Variants in UNC5C observed in about 807,000 individuals in gnomAD.
The protein encoded by UNC5C is unc-5 netrin receptor C.
UNC5C carries 47 observed loss-of-function variants against 99.8 expected under a neutral mutation model. The observed-to-expected ratio is 0.47, with a 90% confidence interval of 0.37 to 0.60. The LOEUF is 0.60. Ranked by LOEUF, UNC5C falls within the 20% of genes least tolerant of loss-of-function variation. The probability of loss-of-function intolerance (pLI) is 0.00; values close to 1 mark genes in which losing one functional copy is unlikely to be tolerated. For synonymous variants in UNC5C, 487 were observed against 452.2 expected (o/e 1.08, Z -0.98); for missense variants, 1,062 against 1,165.9 (o/e 0.91, Z 1.30).
At chr4:95,198,860 G>GTTC (rs1463097185) in intron 12 of UNC5C, among the ~76,000 whole-genome samples, 16 of 152,200 alleles carry the variant, frequency 1.1e-4, no homozygotes, top group African/African-American at 3.9e-4. Flanking sequence ...AGGAAAGTTT[G>GTTC]TTCTTAGTAG....
At chr4:95,287,046 A>C (rs1027649850) in intron 3 of UNC5C, among the ~76,000 whole-genome samples, 2 of 152,130 alleles carry the variant, frequency 1.3e-5, no homozygotes, top group African/African-American at 4.8e-5. Context: ...AGTTACCTTA[A>C]TGTTTCTTGT....
intron 1 of UNC5C, among the ~76,000 whole-genome samples, chr4:95,449,403 T>C (rs950466872): frequency 1.7e-4 from 26 of 152,198 alleles, no homozygotes; most frequent in African/African-American, 5.1e-4. Context: ...ATGAGATTCA[T>C]CAATGAAAAA....
At position 95,335,454 on chromosome 4, in the gene UNC5C, T is replaced by G; in HGVS notation, c.302A>C (p.His101Pro). The change falls in exon 2 of 16, where the codon CAT (histidine) becomes CCT (proline). Residue 101 changes from histidine (H) to proline (P), a missense_variant. By Grantham distance (77) the His-to-Pro change is moderately conservative. Transcript: ENST00000453304. ...TTCATCTACTATGTGGTCCTTCTGATGAACCCATTCACTATTACACTTGAA... is the reference window on the plus strand; with the variant it reads ...TTCATCTACTATGTGGTCCTTCTGAGGAACCCATTCACTATTACACTTGAA... ...IYFKCNSEWV[H>P]QKDHIVDERV... 6.2e-7 allele frequency: 1 copy of G among 1,612,416 alleles called. No individual in the cohort carries two copies. Among genetic ancestry groups the G allele is most frequent in the South Asian group, 1.1e-5 (1 of 91,016 alleles).
intron 4 of UNC5C, among the ~76,000 whole-genome samples, chr4:95,267,796 C>CAA (rs79973212): frequency 4.1e-5 from 6 of 147,930 alleles, no homozygotes; most frequent in South Asian, 2.1e-4. Flanking sequence ...AATAACAATA[C>CAA]AAAAAAAAAA....
chr4:95,346,553 A>G (rs550384313), intron 1 of UNC5C, among the ~76,000 whole-genome samples: 2 of 152,030 alleles, frequency 1.3e-5, no homozygotes, highest in Non-Finnish European at 2.9e-5. Flanking sequence ...AGCAAACTGA[A>G]TTTAACAACA....
intron 14 of UNC5C, among the ~76,000 whole-genome samples, chr4:95,171,150 C>T (rs1020771898): frequency 6.6e-6 from 1 of 151,966 alleles, no homozygotes; most frequent in African/African-American, 2.4e-5. Context: ...GCAAATGGTG[C>T]CTGGGAACTA....
At chr4:95,240,907 T>C (rs1739307746) in intron 7 of UNC5C, among the ~76,000 whole-genome samples, 1 of 152,134 alleles carries the variant, frequency 6.6e-6, no homozygotes, top group Non-Finnish European at 1.5e-5. Flanking sequence ...GTATTCCTTG[T>C]TAAAGAGGTT....
At chr4:95,213,455 C>T (rs1305785184) in intron 10 of UNC5C, among the ~76,000 whole-genome samples, 1 of 151,848 alleles carries the variant, frequency 6.6e-6, no homozygotes, top group African/African-American at 2.4e-5. Context: ...TGCAGCTCTG[C>T]ACCCTCTTTG....
At chr4:95,329,629 A>T (rs552217841) in intron 2 of UNC5C, among the ~76,000 whole-genome samples, 1 of 152,182 alleles carries the variant, frequency 6.6e-6, no homozygotes, top group Non-Finnish European at 1.5e-5. Flanking sequence ...TTATATCAAC[A>T]ACTCTGCTCG....
chr4:95,434,567 C>G (rs1746721940), intron 1 of UNC5C, among the ~76,000 whole-genome samples: 1 of 151,992 alleles, frequency 6.6e-6, no homozygotes, highest in African/African-American at 2.4e-5. Context: ...TTCAGACCAC[C>G]TTCTCTCTCA....
At chr4:95,472,045 A>C (rs1452707296) in intron 1 of UNC5C, among the ~76,000 whole-genome samples, 1 of 152,264 alleles carries the variant, frequency 6.6e-6, no homozygotes. Context: ...AGGCTTATTC[A>C]AAATTTCCAA....
intron 2 of UNC5C, among the ~76,000 whole-genome samples, chr4:95,316,292 A>G (rs926856828): frequency 6.6e-6 from 1 of 152,188 alleles, no homozygotes; most frequent in Non-Finnish European, 1.5e-5. Flanking sequence ...AAAAAATCCT[A>G]CTGCAAAGGA....
intron 7 of UNC5C, among the ~76,000 whole-genome samples, chr4:95,235,202 G>A (rs1458558000): frequency 6.6e-6 from 1 of 152,120 alleles, no homozygotes; most frequent in African/African-American, 2.4e-5. Flanking sequence ...TAAATTCAGA[G>A]AGCCATGCTT....
At chr4:95,470,849 T>C (rs1747945224) in intron 1 of UNC5C, among the ~76,000 whole-genome samples, 1 of 152,156 alleles carries the variant, frequency 6.6e-6, no homozygotes, top group South Asian at 2.1e-4. Flanking sequence ...TACTAATTAT[T>C]CATTTTAATT....
intron 1 of UNC5C, among the ~76,000 whole-genome samples, chr4:95,543,584 T>G (rs76107416): frequency 0.013 from 1,913 of 152,322 alleles, 47 homozygotes; most frequent in African/African-American, 0.043. Context: ...TTAGAGTATA[T>G]ACTTGTGTCC....
chr4:95,416,070 A>G (rs1560824941), intron 1 of UNC5C, among the ~76,000 whole-genome samples: 1 of 152,192 alleles, frequency 6.6e-6, no homozygotes, highest in Non-Finnish European at 1.5e-5. Context: ...GAGTCTTTGG[A>G]ATACATTTAT....
intron 6 of UNC5C, among the ~76,000 whole-genome samples, chr4:95,244,674 A>C (rs1739436887): frequency 6.6e-6 from 1 of 152,184 alleles, no homozygotes; most frequent in African/African-American, 2.4e-5. Context: ...GTGCCATTCA[A>C]ATCCTTTGAA....
intron 1 of UNC5C, among the ~76,000 whole-genome samples, chr4:95,428,012 A>G (rs1434631328): frequency 2.6e-5 from 4 of 151,842 alleles, no homozygotes; most frequent in African/African-American, 9.7e-5. Context: ...TCTTCCATCC[A>G]AATCGCTAGA....
At chr4:95,217,939 A>T (rs1738323851) in intron 9 of UNC5C, among the ~76,000 whole-genome samples, 1 of 152,228 alleles carries the variant, frequency 6.6e-6, no homozygotes, top group Non-Finnish European at 1.5e-5. Context: ...GAAGAAAAAA[A>T]TATTTTATTA....
Sources: gnomAD v4.1 joint callset for allele counts (sites outside exome capture counted in the v4.1 genomes callset) on GRCh38, gnomAD v4.1.1 for gene constraint, MANE v1.5 for transcripts, NCBI Gene and HGNC (gene_info 2026-07-23, HGNC 2026-07-21) for gene names.